Variants in CELF2 observed in about 807,000 individuals in gnomAD.
The protein encoded by CELF2 is CUG triplet repeat RNA-binding protein 2.
Under a neutral mutation model 62.6 loss-of-function variants are expected in CELF2, and 8 were observed. The observed-to-expected ratio is 0.13, with a 90% CI of 0.07 to 0.23. The LOEUF is 0.23. CELF2 is among the 10% of genes least tolerant of loss of function. CELF2 has a pLI of 1.00. For missense variants in CELF2, 333 were observed against 671.0 expected (o/e 0.50, Z 5.56); for synonymous variants, 258 against 250.0 (o/e 1.03, Z -0.30).
intron 1 of CELF2, among the ~76,000 whole-genome samples, chr10:11,029,331 C>A (rs2059755031): frequency 6.6e-6 from 1 of 152,128 alleles, no homozygotes; most frequent in Admixed American, 6.5e-5. Flanking sequence ...CTTTGGAGTG[C>A]TAAGAGATCA....
the CELF2 span, among the ~76,000 whole-genome samples, chr10:10,718,102 A>G: frequency 0.017 from 2,518 of 152,280 alleles, 32 homozygotes; most frequent in African/African-American, 0.037. Context: ...ATGAAATCTT[A>G]AAAGGATGAA....
the CELF2 span, among the ~76,000 whole-genome samples, chr10:10,467,469 A>G: frequency 3.9e-5 from 6 of 152,018 alleles, no homozygotes; most frequent in Non-Finnish European, 2.9e-5. Flanking sequence ...TCCACATTGT[A>G]TTGATTAGCT....
At chr10:11,172,102 G>T (rs889544945) in intron 2 of CELF2, among the ~76,000 whole-genome samples, 4 of 152,192 alleles carry the variant, frequency 2.6e-5, no homozygotes, top group African/African-American at 9.7e-5. Context: ...GTAGGGAATG[G>T]GATTTCTGTC....
At chr10:10,468,008 A>C in the CELF2 span, among the ~76,000 whole-genome samples, 1 of 152,082 alleles carries the variant, frequency 6.6e-6, no homozygotes, top group Non-Finnish European at 1.5e-5. Flanking sequence ...CATGTTTTAC[A>C]CTATTAACTG....
At chr10:11,111,401 T>TA (rs1196149427) in intron 1 of CELF2, among the ~76,000 whole-genome samples, 5 of 152,222 alleles carry the variant, frequency 3.3e-5, no homozygotes, top group South Asian at 2.1e-4. Flanking sequence ...CAGTTGTAGT[T>TA]AAAAATGATT....
chr10:10,774,572 T>C, the CELF2 span, among the ~76,000 whole-genome samples: 3 of 152,352 alleles, frequency 2.0e-5, no homozygotes, highest in African/African-American at 7.2e-5. Context: ...CCATGTGAGA[T>C]GTGCTGGCTT....
the CELF2 span, among the ~76,000 whole-genome samples, chr10:10,478,694 G>T: frequency 2.6e-5 from 4 of 152,138 alleles, no homozygotes; most frequent in Non-Finnish European, 5.9e-5. Context: ...CCCATGCAGG[G>T]ATCGTGATGG....
the CELF2 span, among the ~76,000 whole-genome samples, chr10:10,538,292 G>A: frequency 6.6e-6 from 1 of 152,180 alleles, no homozygotes; most frequent in Admixed American, 6.5e-5. Flanking sequence ...GCCATTGGCT[G>A]AACTCAACTG....
chr10:11,273,391 T>C lies in CELF2; in HGVS notation c.778-1666T>C, dbSNP rs931975633. Reference sequence around the variant, plus strand: ...TCTAAACTGCACATGCTGAAGGGTCTAGGTTGCGTGCTCCTTATGAGAATC... The same window carrying C: ...TCTAAACTGCACATGCTGAAGGGTCCAGGTTGCGTGCTCCTTATGAGAATC... On this transcript the variant is annotated intron_variant, in intron 7 of 12. Transcript: ENST00000633077. Among the ~76,000 whole-genome samples the C allele has an allele frequency of 2.6e-5, 4 of 152,178 alleles. No homozygotes were observed. The East Asian group carries it at 7.7e-4, about 29-fold the overall frequency.
chr10:11,030,854 A>C (rs2059998347), intron 1 of CELF2: 3 of 152,368 alleles, frequency 2.0e-5, no homozygotes, highest in Non-Finnish European at 2.9e-5. Flanking sequence ...AGGCAGGAGC[A>C]TTGTAAGAGA....
At chr10:10,785,832 T>C in the CELF2 span, among the ~76,000 whole-genome samples, 7 of 152,132 alleles carry the variant, frequency 4.6e-5, no homozygotes, top group African/African-American at 1.7e-4. Context: ...ATATAGTAAA[T>C]GTATTCAATG....
intron 1 of CELF2, among the ~76,000 whole-genome samples, chr10:11,129,662 T>C (rs1341288640): frequency 1.3e-5 from 2 of 152,188 alleles, no homozygotes; most frequent in Non-Finnish European, 2.9e-5. Flanking sequence ...AGTTTGTTTG[T>C]GTAGAGGTGT....
chr10:11,204,870 T>C (rs1242425909), intron 2 of CELF2, among the ~76,000 whole-genome samples: 5 of 152,214 alleles, frequency 3.3e-5, no homozygotes, highest in Admixed American at 2.6e-4. Context: ...CTTCCTCTAT[T>C]GTTGCTGAGA....
At chr10:10,736,546 A>G in the CELF2 span, among the ~76,000 whole-genome samples, 1 of 152,040 alleles carries the variant, frequency 6.6e-6, no homozygotes. Context: ...AGACAACTTA[A>G]GAGAAATACG....
intron 1 of CELF2, among the ~76,000 whole-genome samples, chr10:11,163,329 G>C (rs1286219447): frequency 6.6e-6 from 1 of 152,082 alleles, no homozygotes; most frequent in Non-Finnish European, 1.5e-5. Context: ...AATCTAGCTG[G>C]TTGTCAACAG....
intron 4 of CELF2, among the ~76,000 whole-genome samples, chr10:11,256,650 T>G (rs1589968942): frequency 4.4e-5 from 5 of 112,556 alleles, no homozygotes; most frequent in Admixed American, 9.6e-5. Flanking sequence ...TCCCCGTGGG[T>G]GTCTGTGATG....
intron 2 of CELF2, among the ~76,000 whole-genome samples, chr10:11,212,332 T>G (rs1424806494): frequency 6.6e-6 from 1 of 152,136 alleles, no homozygotes; most frequent in African/African-American, 2.4e-5. Context: ...ATGCTCCCTG[T>G]GAGGCCCCCC....
intron 1 of CELF2, among the ~76,000 whole-genome samples, chr10:11,148,395 T>C (rs1295931205): frequency 6.6e-6 from 1 of 152,234 alleles, no homozygotes; most frequent in Non-Finnish European, 1.5e-5. Flanking sequence ...AGTGTAAATA[T>C]TAGTAGTGAG....
intron 1 of CELF2, among the ~76,000 whole-genome samples, chr10:11,040,841 T>G (rs2061716690): frequency 6.6e-6 from 1 of 152,232 alleles, no homozygotes; most frequent in South Asian, 2.1e-4. Context: ...ATTTTCAATA[T>G]TTTTCCATTA....
Sources: gnomAD v4.1 joint callset for allele counts (sites outside exome capture counted in the v4.1 genomes callset) on GRCh38, gnomAD v4.1.1 for gene constraint, MANE v1.5 for transcripts, NCBI Gene and HGNC (gene_info 2026-07-23, HGNC 2026-07-21) for gene names.